The following POM121 variants were observed in gnomAD, a reference collection of about 807,000 sequenced individuals.
POM121 encodes POM121 transmembrane nucleoporin, also known as nuclear envelope pore membrane protein POM 121.
POM121 carries 32 observed loss-of-function variants against 81.3 expected under a neutral mutation model. The observed-to-expected ratio is 0.39, with a 90% CI of 0.30 to 0.53. POM121 has a LOEUF of 0.53. Ranked by LOEUF, POM121 falls within the 20% of genes least tolerant of loss-of-function variation. The pLI, the probability that POM121 is intolerant of heterozygous loss-of-function variation, is 0.66. For missense variants in POM121, 1,138 were observed against 1,614.6 expected, an observed-to-expected ratio of 0.70 and a Z score of 5.06; for synonymous variants, 514 against 694.2, an observed-to-expected ratio of 0.74 and a Z score of 4.08.
intron 1 of POM121, among the ~76,000 whole-genome samples, chr7:72,888,256 A>G (rs1790930733): frequency 6.6e-6 from 1 of 152,122 alleles, no homozygotes; most frequent in South Asian, 2.1e-4. Context: ...CAGCTTATCT[A>G]GTTCCAGGAA....
In POM121 at chr7:72,930,091, T is replaced by C; in HGVS notation, c.1255T>C (p.Ser419Pro). ...CAATGCCATTACCAGTTCCTACAGCTCCACTCGAGGCATCTCACAGGTACA... is the reference window on the plus strand; with the variant it reads ...CAATGCCATTACCAGTTCCTACAGCCCCACTCGAGGCATCTCACAGGTACA... ...SRNAITSSYS[S>P]TRGISQLWKR... is the part of the protein sequence containing the mutation. The change falls in exon 5 of 13, where the codon TCC becomes CCC. Residue 419 changes from serine (S) to proline (P), a missense_variant. By Grantham distance (74) the Ser-to-Pro change is moderately conservative. Transcript: ENST00000434423. The C allele has an allele frequency of 6.2e-7, 1 of 1,612,166 alleles. No individual in the cohort carries two copies. The highest frequency in any genetic ancestry group is 8.5e-7 in the Non-Finnish European group (1 of 1,179,064).
chr7:72,903,260 AC>A (rs1792893263), intron 3 of POM121, among the ~76,000 whole-genome samples: 1 of 152,078 alleles, frequency 6.6e-6, no homozygotes, highest in Admixed American at 6.6e-5. Flanking sequence ...ACATGGTGAA[AC>A]CCCATCTCTA....
At chr7:72,941,382 G>A (rs1797048183) in intron 10 of POM121, among the ~76,000 whole-genome samples, 1 of 150,574 alleles carries the variant, frequency 6.6e-6, no homozygotes, top group South Asian at 2.1e-4. Context: ...GAGGGCTGCT[G>A]GTGTTCCCGG....
rs1372779767 is a variant in POM121 at position 72,911,133 on chromosome 7, G to A, written c.-215-2632G>A. Among the ~76,000 whole-genome samples, 3 of 152,264 alleles carry A rather than the reference G, an allele frequency of 2.0e-5. No homozygotes were observed. The East Asian group carries it at 5.8e-4, about 29-fold the overall frequency. ...CTAGTAGCTGGGATTACTGGCGCTC[G>A]CCACCACGCCCAGCTCATGTTTGTA... On this transcript the variant is annotated intron_variant, in intron 3 of 15. Coordinates refer to the POM121 transcript ENST00000395270.
chr7:72,891,007 A>T (rs1320511516), exon 3 of POM121: 12 of 1,071,070 alleles, frequency 1.1e-5, no homozygotes, highest in Non-Finnish European at 1.5e-5. Context: ...TTCTTTTCCC[A>T]TTAACAAGAT....
At chr7:72,903,272 CT>C (rs1332542525) in intron 3 of POM121, among the ~76,000 whole-genome samples, 4 of 152,106 alleles carry the variant, frequency 2.6e-5, no homozygotes, top group African/African-American at 7.2e-5. Context: ...CCCATCTCTA[CT>C]AAAAATCCCA....
chr7:72,887,877 A>G (rs1790891396), intron 1 of POM121, among the ~76,000 whole-genome samples: 1 of 152,014 alleles, frequency 6.6e-6, no homozygotes, highest in Admixed American at 6.6e-5. Flanking sequence ...ATTGCTTCGT[A>G]TATGTTCTTG....
exon 3 of POM121, chr7:72,890,992 C>T: frequency 8.3e-7 from 1 of 1,200,542 alleles, no homozygotes; most frequent in Non-Finnish European, 1.2e-6. Context: ...TTGCCCAAGT[C>T]CTTCTTCTTT....
At chr7:72,879,443 T>C in exon 1 of POM121, 1 of 209,152 alleles carries the variant, frequency 4.8e-6, no homozygotes, top group Non-Finnish European at 9.6e-6. Flanking sequence ...TCACCGAGTC[T>C]GCGGGGCTGG....
At chr7:72,887,951 G>A (rs1203405661) in intron 1 of POM121, among the ~76,000 whole-genome samples, 1 of 152,194 alleles carries the variant, frequency 6.6e-6, no homozygotes, top group Non-Finnish European at 1.5e-5. Flanking sequence ...AGGTTGGAGG[G>A]TATATCCAGT....
chr7:72,904,997 C>CT (rs1793098996), intron 3 of POM121, among the ~76,000 whole-genome samples: 1 of 152,222 alleles, frequency 6.6e-6, no homozygotes, highest in Non-Finnish European at 1.5e-5. Context: ...CACCAGGTCC[C>CT]TCCTTGACCC....
chr7:72,926,612 G>A (rs1288835520), intron 2 of POM121, 135 bp downstream of exon 2: 1 of 1,497,294 alleles, frequency 6.7e-7, no homozygotes, highest in Non-Finnish European at 9.0e-7. Flanking sequence ...CCAAATTCTA[G>A]TAAACCCTTT....
chr7:72,881,231 AT>A (rs1790128866), intron 1 of POM121, among the ~76,000 whole-genome samples: 1 of 151,878 alleles, frequency 6.6e-6, no homozygotes, highest in East Asian at 1.9e-4. Flanking sequence ...TGCCTGGCTA[AT>A]TTTTTTGTTA....
chr7:72,887,298 G>A (rs1790821414), intron 1 of POM121, among the ~76,000 whole-genome samples: 2 of 151,798 alleles, frequency 1.3e-5, no homozygotes, highest in Non-Finnish European at 1.5e-5. Flanking sequence ...TGCCGGTTGT[G>A]AACTCTGTGT....
intron 3 of POM121, among the ~76,000 whole-genome samples, chr7:72,908,448 A>G (rs1195663403): frequency 6.6e-6 from 1 of 152,218 alleles, no homozygotes; most frequent in African/African-American, 2.4e-5. Context: ...AGGCAGGGCG[A>G]GATCACAGGA....
rs782769799 is a variant in POM121 at position 72,939,396 on chromosome 7, C to T, written c.1428C>T (p.Ser476=). 1.7e-5 allele frequency: 28 copies of T among 1,613,634 alleles called. No homozygotes were observed. The South Asian group carries it at 2.6e-4, about 15-fold the overall frequency. The change falls in exon 7 of 13, where the codon TCC becomes TCT. Residue 476 remains serine, a synonymous_variant. Coordinates refer to ENST00000434423, the MANE Select transcript of POM121 (RefSeq NM_001387691.1). ...SSTPLAADRE[S]QGEKAADTTP... ...CTCCATTGGCAGCAGACAGGGAGTCCCAGGGAGAAAAGGGTAGGTTGCTGA... is the reference window on the plus strand; with the variant it reads ...CTCCATTGGCAGCAGACAGGGAGTCTCAGGGAGAAAAGGGTAGGTTGCTGA...
intron 3 of POM121, among the ~76,000 whole-genome samples, chr7:72,897,555 CT>C (rs1792090958): frequency 6.6e-6 from 1 of 152,114 alleles, no homozygotes; most frequent in Non-Finnish European, 1.5e-5. Context: ...TGAGATTCAA[CT>C]TAGTGTTTTT....
rs183790438 is a variant in POM121 at position 72,908,255 on chromosome 7, A to C, written c.-215-5510A>C. ...TAAAGGGAAAGAGTACAAAGAGAGAAATTTTTAAAGCTGGGTGTCCGGGGG... is the reference window on the plus strand; with the variant it reads ...TAAAGGGAAAGAGTACAAAGAGAGACATTTTTAAAGCTGGGTGTCCGGGGG... On this transcript the variant is annotated intron_variant, in intron 3 of 15. Transcript: ENST00000395270. Among the ~76,000 whole-genome samples the C allele has an allele frequency of 1.8e-4, 27 of 152,264 alleles. No individual in the cohort carries two copies. In the East Asian group the frequency reaches 4.6e-3, roughly 26 times the overall value.
At chr7:72,932,572 G>A (rs1554498793) in intron 5 of POM121, among the ~76,000 whole-genome samples, 1 of 152,158 alleles carries the variant, frequency 6.6e-6, no homozygotes, top group Non-Finnish European at 1.5e-5. Context: ...AAAGTTCCTA[G>A]AAGTCAGATT....
Sources: gnomAD v4.1 joint callset for allele counts (sites outside exome capture counted in the v4.1 genomes callset) on GRCh38, gnomAD v4.1.1 for gene constraint, MANE v1.5 for transcripts, NCBI Gene and HGNC (gene_info 2026-07-23, HGNC 2026-07-21) for gene names.